Variants in SGCZ observed in about 807,000 individuals in gnomAD.
The protein encoded by SGCZ is zeta-sarcoglycan.
A neutral mutation model predicts 41.3 loss-of-function variants in SGCZ; 40 were observed. That is an observed-to-expected ratio of 0.97 (90% CI 0.75 to 1.26). SGCZ has a LOEUF of 1.26. Among genes scored for constraint, SGCZ ranks in the 50% most tolerant of loss-of-function variants. The probability of loss-of-function intolerance (pLI) is 0.00; values close to 1 mark genes in which losing one functional copy is unlikely to be tolerated. For synonymous variants in SGCZ, 206 were observed against 137.5 expected (o/e 1.50, Z -3.49); for missense variants, 552 against 369.8 (o/e 1.49, Z -4.04).
chr8:15,215,722 G>C (rs1801378668), intron 1 of SGCZ, among the ~76,000 whole-genome samples: 1 of 152,144 alleles, frequency 6.6e-6, no homozygotes, highest in African/African-American at 2.4e-5. Flanking sequence ...CTGCCAAACT[G>C]ATCAGTTGTT....
intron 1 of SGCZ, among the ~76,000 whole-genome samples, chr8:14,887,010 T>C (rs1247268968): frequency 1.3e-5 from 2 of 152,112 alleles, no homozygotes; most frequent in African/African-American, 4.8e-5. Flanking sequence ...AGTTTTGGCT[T>C]AAGCAGCTGG....
intron 2 of SGCZ, among the ~76,000 whole-genome samples, chr8:14,403,605 A>G (rs144041829): frequency 0.04 from 6,046 of 152,118 alleles, 378 homozygotes; most frequent in African/African-American, 0.14. Flanking sequence ...TGATTCGCGT[A>G]TATTGAACCA....
intron 5 of SGCZ, among the ~76,000 whole-genome samples, chr8:14,146,880 A>ATC (rs1803539945): frequency 7.7e-6 from 1 of 129,534 alleles, no homozygotes; most frequent in Non-Finnish European, 1.8e-5. Flanking sequence ...TCAAAAAATA[A>ATC]AAATAAAAAA....
At chr8:14,683,259 T>A (rs1029037949) in intron 1 of SGCZ, among the ~76,000 whole-genome samples, 7 of 152,166 alleles carry the variant, frequency 4.6e-5, no homozygotes, top group Non-Finnish European at 7.4e-5. Context: ...CAATCCATTT[T>A]ATACCCAACA....
chr8:14,306,696 A>G (rs984617583), intron 3 of SGCZ, among the ~76,000 whole-genome samples: 2 of 152,052 alleles, frequency 1.3e-5, no homozygotes, highest in Middle Eastern at 3.2e-3. Context: ...AGAAGAAAAA[A>G]TAAGTGTCAT....
intron 1 of SGCZ, among the ~76,000 whole-genome samples, chr8:15,127,996 T>A (rs567640745): frequency 2.6e-5 from 4 of 152,174 alleles, no homozygotes; most frequent in Non-Finnish European, 5.9e-5. Context: ...CCAAAGAATA[T>A]AGTACGGAAA....
chr8:14,248,204 C>T (rs1280057499), intron 3 of SGCZ, among the ~76,000 whole-genome samples: 1 of 152,128 alleles, frequency 6.6e-6, no homozygotes, highest in Admixed American at 6.6e-5. Flanking sequence ...TCCCACTTCT[C>T]TTCTAATAGA....
chr8:14,411,263 A>G (rs1036015438), intron 2 of SGCZ, among the ~76,000 whole-genome samples: 1 of 152,160 alleles, frequency 6.6e-6, no homozygotes, highest in African/African-American at 2.4e-5. Context: ...ACTCTAAGTC[A>G]TTCTATTTGT....
At chr8:14,930,560 A>G (rs1407934511) in intron 1 of SGCZ, among the ~76,000 whole-genome samples, 1 of 152,046 alleles carries the variant, frequency 6.6e-6, no homozygotes, top group East Asian at 1.9e-4. Flanking sequence ...AGCACTGTTC[A>G]CAATAGCAAA....
intron 1 of SGCZ, among the ~76,000 whole-genome samples, chr8:14,580,128 A>G (rs2117254673): frequency 6.6e-6 from 1 of 152,300 alleles, no homozygotes. Flanking sequence ...TAATAACATA[A>G]TCACAAACAC....
intron 3 of SGCZ, among the ~76,000 whole-genome samples, chr8:14,288,611 T>C (rs185631633): frequency 1.2e-3 from 188 of 152,324 alleles, no homozygotes; most frequent in African/African-American, 4.2e-3. Context: ...TATTATGTAA[T>C]AGTATTTCAA....
intron 3 of SGCZ, among the ~76,000 whole-genome samples, chr8:14,249,500 A>G (rs1799213202): frequency 6.6e-6 from 1 of 152,166 alleles, no homozygotes; most frequent in Non-Finnish European, 1.5e-5. Context: ...CATGGTAAAA[A>G]CATGCATGAA....
intron 1 of SGCZ, among the ~76,000 whole-genome samples, chr8:14,875,248 G>T (rs1426571001): frequency 1.3e-5 from 2 of 152,170 alleles, no homozygotes; most frequent in East Asian, 1.9e-4. Context: ...ACACAGAAAG[G>T]TCAAGAGGGT....
At chr8:14,596,033 AAAT>A (rs1281897700) in intron 1 of SGCZ, among the ~76,000 whole-genome samples, 1 of 152,256 alleles carries the variant, frequency 6.6e-6, no homozygotes, top group Non-Finnish European at 1.5e-5. Flanking sequence ...TTACACGGTT[AAAT>A]AATGAGAGGA....
intron 1 of SGCZ, among the ~76,000 whole-genome samples, chr8:15,123,438 T>C (rs904687092): frequency 2.0e-5 from 3 of 152,212 alleles, no homozygotes; most frequent in African/African-American, 7.2e-5. Context: ...CAGTAATTTT[T>C]TGGTTTAATC....
chr8:15,050,712 T>C (rs1804480326), intron 1 of SGCZ, among the ~76,000 whole-genome samples: 1 of 152,034 alleles, frequency 6.6e-6, no homozygotes, highest in Non-Finnish European at 1.5e-5. Context: ...TGATAGTGAA[T>C]TGAAGCTGAT....
chr8:14,926,634 CGT>C (rs1208268249), intron 1 of SGCZ, among the ~76,000 whole-genome samples: 1 of 150,064 alleles, frequency 6.7e-6, no homozygotes, highest in Non-Finnish European at 1.5e-5. Flanking sequence ...TTTGTTTTTC[CGT>C]GTGTGTGGTT....
At chr8:14,469,679 T>C (rs1355871941) in intron 2 of SGCZ, among the ~76,000 whole-genome samples, 1 of 152,102 alleles carries the variant, frequency 6.6e-6, no homozygotes, top group African/African-American at 2.4e-5. Context: ...GTTAGAACTT[T>C]CAACCTCACC....
chr8:14,308,084 T>C (rs566697113), intron 3 of SGCZ, among the ~76,000 whole-genome samples: 1 of 152,118 alleles, frequency 6.6e-6, no homozygotes, highest in South Asian at 2.1e-4. Context: ...ATTATTCATT[T>C]TGTCAAAAAT....
Sources: gnomAD v4.1 joint callset for allele counts (sites outside exome capture counted in the v4.1 genomes callset) on GRCh38, gnomAD v4.1.1 for gene constraint, MANE v1.5 for transcripts, NCBI Gene and HGNC (gene_info 2026-07-23, HGNC 2026-07-21) for gene names.